Variants in RUFY4 observed in about 807,000 individuals in gnomAD.
RUFY4 encodes RUN and FYVE domain-containing protein 4.
Under a neutral mutation model 69.0 loss-of-function variants are expected in RUFY4, and 73 were observed. That is an observed-to-expected ratio of 1.06 (90% CI 0.88 to 1.29). The LOEUF (loss-of-function observed/expected upper bound fraction) is 1.29. Ranked by LOEUF, RUFY4 falls within the 50% of genes most tolerant of loss-of-function variation. RUFY4 has a pLI of 0.00. For synonymous variants in RUFY4, 287 were observed against 271.8 expected (o/e 1.06, Z -0.55); for missense variants, 770 against 705.6 (o/e 1.09, Z -1.03).
exon 10 of RUFY4, chr2:218,089,317 C>A (rs1689973926): frequency 1.2e-6 from 2 of 1,613,888 alleles, no homozygotes; most frequent in Non-Finnish European, 1.7e-6. Context: ...TGCTGTGTGG[C>A]CTGTAGCAAG....
exon 4 of RUFY4, chr2:218,072,881 A>T (rs1559432621): frequency 6.5e-7 from 1 of 1,528,052 alleles, no homozygotes; most frequent in Admixed American, 2.0e-5. Flanking sequence ...CTCAGAGCTC[A>T]CCAGGTGGGG....
At position 218,047,724 on chromosome 2, in the gene RUFY4, A is replaced by G. The variant is rs149715786; in HGVS notation, c.-1157-10871A>G. ...ATCCTATTTCCCCATAGCACAGGAT[A>G]TGCTTACCAGTGCACCCAATTATCT... On this transcript the variant is annotated intron_variant and NMD_transcript_variant, in intron 2 of 13. Coordinates refer to the RUFY4 transcript ENST00000457754. Among the ~76,000 whole-genome samples, 328 of 152,360 alleles carry G rather than the reference A, an allele frequency of 2.2e-3. 4 individuals are homozygous for G. Among genetic ancestry groups the G allele is most frequent in the African/African-American group, 7.4e-3 (306 of 41,590 alleles).
intron 2 of RUFY4, among the ~76,000 whole-genome samples, chr2:218,043,717 G>A (rs1279531616): frequency 6.6e-6 from 1 of 152,222 alleles, no homozygotes; most frequent in Non-Finnish European, 1.5e-5. Context: ...CTCCACCTCT[G>A]GTCCACAGGA....
At chr2:218,036,114 TC>T (rs1958973303) in intron 2 of RUFY4, among the ~76,000 whole-genome samples, 1 of 152,174 alleles carries the variant, frequency 6.6e-6, no homozygotes, top group Non-Finnish European at 1.5e-5. Context: ...TGCCCCAGGT[TC>T]CCCTCTAGCC....
intron 10 of RUFY4, chr2:218,089,727 G>A (rs1190158710): frequency 1.4e-6 from 1 of 704,056 alleles, no homozygotes; most frequent in South Asian, 1.5e-5. Flanking sequence ...TGAGCCACCA[G>A]GAGAAGCTGC....
intron 4 of RUFY4, 111 bp from the exon 7 acceptor site, chr2:218,073,132 G>A (rs925624011): frequency 9.0e-5 from 121 of 1,341,798 alleles, no homozygotes; most frequent in Non-Finnish European, 1.1e-4. Context: ...GCCTCATGAC[G>A]GTGTGTAGTG....
At chr2:218,079,523 A>G (rs555907823) in intron 8 of RUFY4, among the ~76,000 whole-genome samples, 43 of 152,266 alleles carry the variant, frequency 2.8e-4, no homozygotes, top group African/African-American at 9.6e-4. Context: ...GATACCTGTT[A>G]GACATGTCAG....
At chr2:218,055,265 G>A (rs1325223439) in intron 2 of RUFY4, among the ~76,000 whole-genome samples, 1 of 152,054 alleles carries the variant, frequency 6.6e-6, no homozygotes, top group Non-Finnish European at 1.5e-5. Flanking sequence ...CGTCATGGCA[G>A]GCACCTGTAG....
chr2:218,060,201 T>A, intron 3 of RUFY4: 1 of 712,754 alleles, frequency 1.4e-6, no homozygotes, highest in South Asian at 3.0e-5. Flanking sequence ...AGTAAGAACG[T>A]GGCCTCCTCT....
chr2:218,044,596 C>A (rs1462424983), intron 2 of RUFY4, among the ~76,000 whole-genome samples: 1 of 152,138 alleles, frequency 6.6e-6, no homozygotes, highest in African/African-American at 2.4e-5. Flanking sequence ...TCCTCCCACC[C>A]TCCATCCTCT....
chr2:218,066,403 G>A (rs186090888), upstream of RUFY4, among the ~76,000 whole-genome samples: 417 of 151,928 alleles, frequency 2.7e-3, 16 homozygotes, highest in Admixed American at 0.023. Flanking sequence ...TCGAATTCCT[G>A]ACCTCAGGTG....
At chr2:218,046,681 T>C (rs1415910861) in intron 2 of RUFY4, among the ~76,000 whole-genome samples, 1 of 152,208 alleles carries the variant, frequency 6.6e-6, no homozygotes, top group Non-Finnish European at 1.5e-5. Context: ...CGTCTAGGAA[T>C]TTTATACAAT....
intron 2 of RUFY4, among the ~76,000 whole-genome samples, chr2:218,038,064 A>G (rs1049766824): frequency 7.9e-5 from 12 of 152,322 alleles, no homozygotes; most frequent in African/African-American, 2.9e-4. Flanking sequence ...GTTCTTCTTG[A>G]TCTTGGTTAA....
intron 8 of RUFY4, among the ~76,000 whole-genome samples, chr2:218,080,574 C>T (rs538430792): frequency 8.3e-4 from 126 of 152,312 alleles, no homozygotes; most frequent in African/African-American, 2.6e-3. Flanking sequence ...CTCATGGGGC[C>T]ATCTTTCCAA....
chr2:218,062,685 TG>T (rs1689229142), intron 3 of RUFY4, among the ~76,000 whole-genome samples: 1 of 152,138 alleles, frequency 6.6e-6, no homozygotes, highest in Non-Finnish European at 1.5e-5. Flanking sequence ...TGCTCCAGCC[TG>T]GGCGACAGAG....
At chr2:218,072,633 C>G (rs921335815) in intron 3 of RUFY4, 134 bp downstream of exon 5, 23 of 1,359,224 alleles carry the variant, frequency 1.7e-5, no homozygotes, top group Middle Eastern at 5.2e-4. Flanking sequence ...GCCCACAGCA[C>G]CCCTCCAGAC....
At position 218,075,366 on chromosome 2, in the gene RUFY4, A is replaced by ACACCCAG; in HGVS notation, c.882_888dup (p.Gly297HisfsTer21). On this transcript the variant is annotated frameshift_variant, in exon 7 of 11. Coordinates refer to ENST00000344321, the Ensembl canonical transcript of RUFY4. LOFTEE classifies it high-confidence loss of function. ...GATTGAGATCTTCCTGGGGAACTCA[A>ACACCCAG]CACCCAGCACCCAGGGACAGGGGAA... 1 of 1,613,048 alleles carries ACACCCAG rather than the reference A, an allele frequency of 6.2e-7. No homozygotes were observed. Among genetic ancestry groups the ACACCCAG allele is most frequent in the Non-Finnish European group, 8.5e-7 (1 of 1,179,576 alleles).
intron 2 of RUFY4, among the ~76,000 whole-genome samples, chr2:218,053,125 C>T (rs1038205629): frequency 1.3e-5 from 2 of 151,834 alleles, no homozygotes; most frequent in Admixed American, 6.6e-5. Context: ...GTGCCTGGCT[C>T]GTGATTCTAT....
chr2:218,062,184 G>T (rs1689211650), intron 3 of RUFY4, among the ~76,000 whole-genome samples: 1 of 152,254 alleles, frequency 6.6e-6, no homozygotes, highest in Admixed American at 6.5e-5. Flanking sequence ...CGGATCACAA[G>T]GTCAGGAGAT....
Sources: allele counts gnomAD v4.1 joint callset (sites outside exome capture counted in the v4.1 genomes callset), GRCh38; gene constraint gnomAD v4.1.1; transcripts MANE v1.5; gene names NCBI Gene and HGNC (gene_info 2026-07-23, HGNC 2026-07-21).